Variants in NTM observed in about 807,000 individuals in gnomAD.
NTM encodes the protein neurotrimin.
NTM carries 13 observed loss-of-function variants against 42.1 expected under a neutral mutation model. The ratio of observed to expected loss-of-function variants is 0.31; its 90% CI spans 0.20 to 0.49. The LOEUF (loss-of-function observed/expected upper bound fraction) is 0.49. NTM is among the 20% of genes least tolerant of loss of function. The pLI, the probability that NTM is intolerant of heterozygous loss-of-function variation, is 0.99. For synonymous variants in NTM, 187 were observed against 179.2 expected (o/e 1.04, Z -0.35); for missense variants, 373 against 452.8 (o/e 0.82, Z 1.60).
chr11:131,974,814 G>A, intron 2 of NTM, among the ~76,000 whole-genome samples: 1 of 152,050 alleles, frequency 6.6e-6, no homozygotes, highest in East Asian at 1.9e-4. Flanking sequence ...TAATTATTAG[G>A]TCCTAGTGTT....
chr11:131,783,689 G>GA (rs946733258), intron 1 of NTM, among the ~76,000 whole-genome samples: 2 of 151,724 alleles, frequency 1.3e-5, no homozygotes, highest in Non-Finnish European at 2.9e-5. Context: ...ACAACTTCTA[G>GA]AAAAAAAATA....
intron 1 of NTM, among the ~76,000 whole-genome samples, chr11:131,735,581 A>G (rs1441085478): frequency 6.6e-6 from 1 of 152,224 alleles, no homozygotes; most frequent in African/African-American, 2.4e-5. Context: ...CTTGTTCCAC[A>G]TATGCCCCGA....
At chr11:131,563,874 C>T (rs116610217) in intron 1 of NTM, among the ~76,000 whole-genome samples, 2,841 of 152,094 alleles carry the variant, frequency 0.019, 75 homozygotes, top group African/African-American at 0.064. Context: ...TTCCCAATGG[C>T]CCCTAGAGCA....
At chr11:131,703,381 G>A (rs2076261888) in intron 1 of NTM, among the ~76,000 whole-genome samples, 1 of 152,182 alleles carries the variant, frequency 6.6e-6, no homozygotes, top group African/African-American at 2.4e-5. Flanking sequence ...TTTTAAAAAT[G>A]TAGAAGTAAA....
At chr11:131,943,511 T>G (rs2060024956) in intron 2 of NTM, among the ~76,000 whole-genome samples, 1 of 152,208 alleles carries the variant, frequency 6.6e-6, no homozygotes, top group Non-Finnish European at 1.5e-5. Flanking sequence ...ACCCTCCAGG[T>G]GTCTGATTCC....
intron 2 of NTM, among the ~76,000 whole-genome samples, chr11:132,041,463 A>G (rs574285452): frequency 3.6e-5 from 1 of 27,580 alleles, no homozygotes; most frequent in East Asian, 0.062. Flanking sequence ...CCTCACATGT[A>G]TTCAGAATTA....
chr11:131,391,644 GAAAAAAAAA>G (rs5795723), intron 1 of NTM, among the ~76,000 whole-genome samples: 2 of 81,562 alleles, frequency 2.5e-5, no homozygotes, highest in Non-Finnish European at 4.5e-5. Flanking sequence ...TTTTATCTGG[GAAAAAAAAA>G]AAAAAAAAAA....
chr11:131,525,602 C>T (rs539412385), intron 1 of NTM, among the ~76,000 whole-genome samples: 16 of 152,200 alleles, frequency 1.1e-4, no homozygotes, highest in South Asian at 4.2e-4. Flanking sequence ...AGTAAGGTGG[C>T]GCTCTCTTCA....
intron 1 of NTM, among the ~76,000 whole-genome samples, chr11:131,492,085 TGGAACTGG>T (rs1354500323): frequency 6.6e-6 from 1 of 152,198 alleles, no homozygotes; most frequent in East Asian, 1.9e-4. Flanking sequence ...TGGCACCTGC[TGGAACTGG>T]GGTTCCATGA....
At chr11:131,818,145 C>A (rs1205100466) in intron 1 of NTM, among the ~76,000 whole-genome samples, 4 of 152,130 alleles carry the variant, frequency 2.6e-5, no homozygotes, top group African/African-American at 9.7e-5. Flanking sequence ...TCAGAACCCA[C>A]CTTCACGCTG....
chr11:131,377,705 C>T (rs148160878), intron 1 of NTM, among the ~76,000 whole-genome samples: 2 of 152,312 alleles, frequency 1.3e-5, no homozygotes, highest in African/African-American at 4.8e-5. Context: ...CTCCTACACA[C>T]CCATCTTCTT....
intron 1 of NTM, among the ~76,000 whole-genome samples, chr11:131,756,711 A>C (rs2083389650): frequency 6.6e-6 from 1 of 152,098 alleles, no homozygotes; most frequent in Admixed American, 6.5e-5. Context: ...AAATTGCTAT[A>C]ATCAGGGATT....
chr11:131,491,052 G>A (rs1018188299), intron 1 of NTM, among the ~76,000 whole-genome samples: 1 of 152,200 alleles, frequency 6.6e-6, no homozygotes, highest in African/African-American at 2.4e-5. Context: ...GATATGTGAA[G>A]AGTGGAAGAA....
intron 2 of NTM, among the ~76,000 whole-genome samples, chr11:132,014,027 C>A (rs939499567): frequency 8.6e-5 from 13 of 151,884 alleles, no homozygotes; most frequent in African/African-American, 3.1e-4. Context: ...ATTAGCCAAC[C>A]TTTCTTCATA....
intron 3 of NTM, among the ~76,000 whole-genome samples, chr11:132,148,509 A>T (rs1046028337): frequency 6.6e-6 from 1 of 152,008 alleles, no homozygotes; most frequent in Non-Finnish European, 1.5e-5. Flanking sequence ...ACAATGAGAG[A>T]CTGGGAACTA....
At chr11:131,958,759 C>T (rs894876740) in intron 2 of NTM, among the ~76,000 whole-genome samples, 2 of 152,166 alleles carry the variant, frequency 1.3e-5, no homozygotes, top group African/African-American at 2.4e-5. Flanking sequence ...CCATCACTTA[C>T]CTGTTTATGC....
intron 1 of NTM, among the ~76,000 whole-genome samples, chr11:131,475,716 G>T (rs1207629546): frequency 1.3e-5 from 2 of 152,150 alleles, no homozygotes; most frequent in South Asian, 2.1e-4. Context: ...GGAAAAAACT[G>T]CCAAAGATAG....
intron 1 of NTM, among the ~76,000 whole-genome samples, chr11:131,474,175 A>G (rs1324718637): frequency 1.3e-5 from 2 of 152,108 alleles, no homozygotes; most frequent in Non-Finnish European, 2.9e-5. Context: ...AAAAACTACA[A>G]AACGCTTTCA....
intron 4 of NTM, among the ~76,000 whole-genome samples, chr11:132,220,065 A>G (rs930748044): frequency 1.3e-5 from 2 of 152,238 alleles, no homozygotes; most frequent in African/African-American, 4.8e-5. Flanking sequence ...ATTGCAAAAG[A>G]TATTACAGTA....
Sources: allele counts gnomAD v4.1 joint callset (sites outside exome capture counted in the v4.1 genomes callset), GRCh38; gene constraint gnomAD v4.1.1; transcripts MANE v1.5; gene names NCBI Gene and HGNC (gene_info 2026-07-23, HGNC 2026-07-21).